CCDC91: variants seen among roughly 807,000 people sequenced by gnomAD.
The protein encoded by CCDC91 is coiled-coil domain-containing protein 91.
In CCDC91, 48 loss-of-function variants were observed where a neutral mutation model predicts 63.2. The observed-to-expected ratio is 0.76, with a 90% CI of 0.60 to 0.97. The LOEUF is 0.97. Among genes scored for constraint, CCDC91 ranks in the 50% least tolerant of loss-of-function variants. CCDC91 has a pLI of 0.00. For missense variants in CCDC91, 500 were observed against 494.6 expected (o/e 1.01, Z -0.10); for synonymous variants, 167 against 165.8 (o/e 1.01, Z -0.06).
intron 3 of CCDC91, among the ~76,000 whole-genome samples, chr12:28,288,292 A>C (rs887590133): frequency 6.6e-6 from 1 of 152,100 alleles, no homozygotes; most frequent in South Asian, 2.1e-4. Flanking sequence ...ATTTCAAGGG[A>C]AATGCTTTCA....
intron 7 of CCDC91, among the ~76,000 whole-genome samples, chr12:28,379,519 A>G (rs1256540334): frequency 6.6e-6 from 1 of 152,088 alleles, no homozygotes; most frequent in Non-Finnish European, 1.5e-5. Flanking sequence ...ACACTTCTCA[A>G]AAGAAGACAT....
intron 8 of CCDC91, among the ~76,000 whole-genome samples, chr12:28,441,138 T>A (rs1020070412): frequency 6.8e-6 from 1 of 146,150 alleles, no homozygotes; most frequent in Admixed American, 6.8e-5. Flanking sequence ...AAGCACATGA[T>A]AAAATACTTA....
chr12:28,374,582 A>G (rs1165628156), intron 7 of CCDC91, among the ~76,000 whole-genome samples: 2 of 152,178 alleles, frequency 1.3e-5, no homozygotes, highest in Admixed American at 6.5e-5. Flanking sequence ...TATTAGCAAT[A>G]TCTTATGTAC....
At chr12:28,385,881 G>A (rs758003886) in intron 7 of CCDC91, among the ~76,000 whole-genome samples, 1 of 152,126 alleles carries the variant, frequency 6.6e-6, no homozygotes, top group Admixed American at 6.5e-5. Flanking sequence ...ATTCCAGCAT[G>A]CAATCAGTTC....
intron 1 of CCDC91, among the ~76,000 whole-genome samples, chr12:28,194,664 C>T (rs1941585945): frequency 6.6e-6 from 1 of 150,596 alleles, no homozygotes; most frequent in African/African-American, 2.5e-5. Context: ...GGGTTTGTGG[C>T]CTTGCTGGCT....
chr12:28,366,417 A>G (rs575873172), intron 7 of CCDC91, among the ~76,000 whole-genome samples: 1 of 152,322 alleles, frequency 6.6e-6, no homozygotes, highest in African/African-American at 2.4e-5. Flanking sequence ...TAAGACAGAA[A>G]ACTATTAGAT....
At chr12:28,532,263 G>A (rs1941799058) in intron 12 of CCDC91, among the ~76,000 whole-genome samples, 1 of 151,980 alleles carries the variant, frequency 6.6e-6, no homozygotes, top group South Asian at 2.1e-4. Flanking sequence ...TTGAGATGGA[G>A]GGGTGAATAT....
chr12:28,200,975 G>A (rs1276124565), intron 1 of CCDC91, among the ~76,000 whole-genome samples: 11 of 138,402 alleles, frequency 7.9e-5, no homozygotes, highest in South Asian at 2.2e-4. Context: ...CCTCCCTCCC[G>A]GACGGGGCGG....
intron 12 of CCDC91, among the ~76,000 whole-genome samples, chr12:28,514,984 G>A (rs1476940270): frequency 6.6e-6 from 1 of 151,724 alleles, no homozygotes; most frequent in Non-Finnish European, 1.5e-5. Context: ...GTTGACCTAT[G>A]TAACAAATAT....
At position 28,212,266 on chromosome 12, in the gene CCDC91, C is replaced by T. The variant is rs574914917; in HGVS notation, c.-15+21625C>T. ...TAAAGGAGTTTAATTGGGCAATGAA[C>T]GATTTGTGAATTGGGTAGCCCCCAG... On this transcript the variant is annotated intron_variant, in intron 1 of 12. Coordinates refer to ENST00000536442, the MANE Select transcript of CCDC91 (RefSeq NM_018318.5). Among the ~76,000 whole-genome samples the T allele has an allele frequency of 9.0e-4, 137 of 152,194 alleles. 2 individuals are homozygous for T. The highest frequency in any genetic ancestry group is 3.0e-3 in the African/African-American group (123 of 41,502).
intron 3 of CCDC91, among the ~76,000 whole-genome samples, chr12:28,269,888 T>C (rs1313211285): frequency 1.3e-5 from 2 of 152,152 alleles, no homozygotes; most frequent in Admixed American, 1.3e-4. Flanking sequence ...TGGGTATTGC[T>C]GTTGTGCCTA....
chr12:28,275,146 A>G (rs1445661424), intron 3 of CCDC91, among the ~76,000 whole-genome samples: 4 of 152,160 alleles, frequency 2.6e-5, no homozygotes, highest in Non-Finnish European at 5.9e-5. Context: ...CGATAGAGAC[A>G]CAAAAAACCC....
At chr12:28,215,214 T>TA (rs1409828606) in intron 1 of CCDC91, among the ~76,000 whole-genome samples, 2 of 152,180 alleles carry the variant, frequency 1.3e-5, no homozygotes, top group East Asian at 3.9e-4. Flanking sequence ...GACTAGAACT[T>TA]ACACCATCAG....
At chr12:28,408,074 G>A (rs1006380324) in intron 8 of CCDC91, among the ~76,000 whole-genome samples, 2 of 151,638 alleles carry the variant, frequency 1.3e-5, no homozygotes, top group African/African-American at 2.4e-5. Context: ...CTATCAACCC[G>A]TCATCTAAGT....
At chr12:28,408,640 T>G (rs1038341681) in intron 8 of CCDC91, among the ~76,000 whole-genome samples, 2 of 152,014 alleles carry the variant, frequency 1.3e-5, no homozygotes, top group African/African-American at 4.8e-5. Flanking sequence ...ATGGTTTATT[T>G]TTTTATTTTT....
At chr12:28,518,308 A>T (rs10843197) in intron 12 of CCDC91, among the ~76,000 whole-genome samples, 112,561 of 151,760 alleles carry the variant, frequency 0.74, 42,163 homozygotes, top group African/African-American at 0.8. Context: ...TTTTTTTTAA[A>T]TTTCTTATGG....
At chr12:28,476,348 C>T (rs1348313281) in intron 11 of CCDC91, among the ~76,000 whole-genome samples, 1 of 152,104 alleles carries the variant, frequency 6.6e-6, no homozygotes, top group Non-Finnish European at 1.5e-5. Flanking sequence ...TGCATGGAAA[C>T]TGAACAACCT....
At chr12:28,514,277 T>C (rs1939688354) in intron 12 of CCDC91, among the ~76,000 whole-genome samples, 1 of 152,040 alleles carries the variant, frequency 6.6e-6, no homozygotes, top group African/African-American at 2.4e-5. Context: ...AAAGTGTCTG[T>C]TAATGTTCTT....
chr12:28,441,768 G>A (rs1342591912), intron 8 of CCDC91, among the ~76,000 whole-genome samples: 3 of 149,630 alleles, frequency 2.0e-5, no homozygotes, highest in Non-Finnish European at 4.4e-5. Flanking sequence ...ATGTATATGT[G>A]TATGCATGTG....
Sources: allele counts gnomAD v4.1 joint callset (sites outside exome capture counted in the v4.1 genomes callset), GRCh38; gene constraint gnomAD v4.1.1; transcripts MANE v1.5; gene names NCBI Gene and HGNC (gene_info 2026-07-23, HGNC 2026-07-21).